The following BTBD9 variants were observed in gnomAD, a reference collection of about 807,000 sequenced individuals.
BTBD9 encodes the protein BTB domain containing 9, also known as BTB/POZ domain-containing protein 9.
Under a neutral mutation model 64.3 loss-of-function variants are expected in BTBD9, and 49 were observed. That is an observed-to-expected ratio of 0.76 (90% confidence interval 0.61 to 0.97). BTBD9 has a LOEUF of 0.97. Among genes scored for constraint, BTBD9 ranks in the 50% least tolerant of loss-of-function variants. BTBD9 has a pLI of 0.00. For missense variants in BTBD9, 598 were observed against 762.1 expected (o/e 0.78, Z 2.53); for synonymous variants, 260 against 274.7 (o/e 0.95, Z 0.53).
intron 6 of BTBD9, among the ~76,000 whole-genome samples, chr6:38,369,899 C>T (rs897292945): frequency 3.3e-5 from 5 of 152,190 alleles, no homozygotes; most frequent in African/African-American, 9.7e-5. Context: ...CTATCATTGG[C>T]TATGTATTCT....
rs141346307 is a variant in BTBD9 at position 38,456,251 on chromosome 6, G to C, written c.1155-111158C>G. ...GATCCACCTGCCTCAGCCTTCCTAAGTACTGGGATTACATGACTGAGCCAC... is the reference window on the plus strand; with the variant it reads ...GATCCACCTGCCTCAGCCTTCCTAACTACTGGGATTACATGACTGAGCCAC... On this transcript the variant is annotated intron_variant, in intron 6 of 10. Transcript: ENST00000481247. Among the ~76,000 whole-genome samples, 15 of 152,294 alleles carry C rather than the reference G, an allele frequency of 9.8e-5. No homozygotes were observed. The East Asian group carries it at 2.9e-3, about 29-fold the overall frequency.
rs1765098992 is a variant in BTBD9 at position 38,364,261 on chromosome 6, TC to T, written c.1155-19169del. Among the ~76,000 whole-genome samples the T allele has an allele frequency of 1.3e-5, 2 of 152,152 alleles. 1 individual carries two copies. The highest frequency in any genetic ancestry group is 2.9e-5 in the Non-Finnish European group (2 of 68,024). Reference sequence around the variant, plus strand: ...TGCAGCTGACTCTACACACAGGAACTCCCTCGTAAAAATATTAAGAAAAGCG... The same window carrying T: ...TGCAGCTGACTCTACACACAGGAACTCCTCGTAAAAATATTAAGAAAAGCG... On this transcript the variant is annotated intron_variant, in intron 6 of 10. Transcript: ENST00000481247.
At chr6:38,382,050 T>C (rs1345087557) in intron 6 of BTBD9, among the ~76,000 whole-genome samples, 1 of 152,182 alleles carries the variant, frequency 6.6e-6, no homozygotes, top group African/African-American at 2.4e-5. Context: ...TGGCAAAAAC[T>C]GTCCGAATCA....
intron 6 of BTBD9, chr6:38,566,015 T>C (rs1260583333): frequency 6.6e-6 from 1 of 152,166 alleles, no homozygotes; most frequent in Non-Finnish European, 1.5e-5. Flanking sequence ...ATCCTTATTC[T>C]ACTCTTTGTC....
chr6:38,444,598 T>C (rs1769187740), intron 6 of BTBD9, among the ~76,000 whole-genome samples: 1 of 152,180 alleles, frequency 6.6e-6, no homozygotes, highest in Non-Finnish European at 1.5e-5. Context: ...TACTCACTAA[T>C]TATGTGATTT....
rs1418663656 is a variant in BTBD9 at position 38,233,231 on chromosome 6, T to C, written c.1562+23178A>G. The stretch of plus-strand genomic sequence containing the variant: ...AAGTTGTTCCCAAAATATAACTACT[T>C]ACTCCTTCATTCCTAAATTCATTCA... On this transcript the variant is annotated intron_variant, in intron 9 of 10. Transcript: ENST00000481247. 2.0e-5 allele frequency among the ~76,000 whole-genome samples: 3 copies of C among 152,340 alleles called. No homozygotes were observed. The East Asian group carries it at 5.8e-4, about 29-fold the overall frequency.
chr6:38,556,086 G>A (rs550188118), intron 6 of BTBD9, among the ~76,000 whole-genome samples: 80 of 152,258 alleles, frequency 5.3e-4, no homozygotes, highest in African/African-American at 1.9e-3. Flanking sequence ...TCGAGGTAAT[G>A]AATATTCAGC....
At chr6:38,353,422 GA>G (rs1243552792) in intron 6 of BTBD9, among the ~76,000 whole-genome samples, 2 of 150,978 alleles carry the variant, frequency 1.3e-5, no homozygotes, top group East Asian at 3.9e-4. Context: ...AGACGGGGGA[GA>G]AAAAAGGGAG....
chr6:38,494,482 A>G (rs1771856070), intron 6 of BTBD9, among the ~76,000 whole-genome samples: 1 of 152,272 alleles, frequency 6.6e-6, no homozygotes, highest in East Asian at 1.9e-4. Flanking sequence ...TGCCAGCACT[A>G]GAGTAGTAGT....
intron 6 of BTBD9, among the ~76,000 whole-genome samples, chr6:38,460,871 C>T (rs751936675): frequency 6.6e-6 from 1 of 152,216 alleles, no homozygotes; most frequent in African/African-American, 2.4e-5. Context: ...GATCCGCCCA[C>T]CTTGGCCTCC....
intron 6 of BTBD9, among the ~76,000 whole-genome samples, chr6:38,561,515 T>C (rs1775263159): frequency 6.6e-6 from 1 of 152,132 alleles, no homozygotes; most frequent in Non-Finnish European, 1.5e-5. Flanking sequence ...TGCAGCACTA[T>C]TCACAATAGC....
intron 1 of BTBD9, among the ~76,000 whole-genome samples, chr6:38,604,243 T>C (rs1190625877): frequency 1.3e-5 from 2 of 152,240 alleles, no homozygotes; most frequent in Non-Finnish European, 2.9e-5. Context: ...AATGTCCAGT[T>C]AAGCTCCAAA....
At chr6:38,182,409 A>AT (rs957589328) in intron 10 of BTBD9, among the ~76,000 whole-genome samples, 3 of 151,998 alleles carry the variant, frequency 2.0e-5, no homozygotes, top group Non-Finnish European at 4.4e-5. Context: ...TCTTTTAGTT[A>AT]TTTTTTTGAA....
chr6:38,639,556 G>A lies in BTBD9; in HGVS notation c.-28+244C>T, dbSNP rs1055883392. Among the ~76,000 whole-genome samples the A allele has an allele frequency of 7.2e-5, 11 of 152,150 alleles. 1 individual carries two copies. The highest frequency in any genetic ancestry group is 5.2e-4 in the Admixed American group (8 of 15,284). On this transcript the variant is annotated intron_variant, in intron 1 of 10. Coordinates refer to ENST00000481247, the MANE Select transcript of BTBD9 (RefSeq NM_001099272.2). ...TTTGGGAGGCTGGTAGAGCCACCCC[G>A]AATCCCCGAAACGTCTACTTCCCAC...
intron 10 of BTBD9, among the ~76,000 whole-genome samples, chr6:38,177,999 G>A (rs1179006391): frequency 1.3e-5 from 2 of 152,180 alleles, no homozygotes; most frequent in African/African-American, 4.8e-5. Flanking sequence ...GAAGCCCTAG[G>A]CCGTAACTGC....
intron 9 of BTBD9, among the ~76,000 whole-genome samples, chr6:38,226,363 G>C (rs561170246): frequency 6.6e-6 from 1 of 152,316 alleles, no homozygotes; most frequent in African/African-American, 2.4e-5. Flanking sequence ...AGCTCTTACA[G>C]TAACTGAACA....
chr6:38,578,054 T>G (rs749361113), intron 5 of BTBD9, among the ~76,000 whole-genome samples: 3 of 152,244 alleles, frequency 2.0e-5, no homozygotes, highest in Middle Eastern at 3.4e-3. Context: ...GGTCAGGATG[T>G]CTCACCTATA....
At chr6:38,500,147 T>G (rs1022544360) in intron 6 of BTBD9, among the ~76,000 whole-genome samples, 3 of 151,556 alleles carry the variant, frequency 2.0e-5, no homozygotes, top group African/African-American at 4.9e-5. Flanking sequence ...GAAAGAGAGA[T>G]AGAATCTCTT....
At chr6:38,366,365 C>CT (rs1213583400) in intron 6 of BTBD9, among the ~76,000 whole-genome samples, 2 of 152,114 alleles carry the variant, frequency 1.3e-5, no homozygotes, top group Admixed American at 1.3e-4. Context: ...CTTTTCTTGT[C>CT]TATAGATTAA....
Sources: allele counts gnomAD v4.1 joint callset (sites outside exome capture counted in the v4.1 genomes callset), GRCh38; gene constraint gnomAD v4.1.1; transcripts MANE v1.5; gene names NCBI Gene and HGNC (gene_info 2026-07-23, HGNC 2026-07-21).